Variants in NKAIN3 observed in about 807,000 individuals in gnomAD.
NKAIN3 encodes sodium/potassium transporting ATPase interacting 3.
A neutral mutation model predicts 30.2 loss-of-function variants in NKAIN3; 25 were observed. The observed-to-expected ratio is 0.83, with a 90% CI of 0.60 to 1.16. The LOEUF is 1.16. Ranked by LOEUF, NKAIN3 falls within the 50% of genes most tolerant of loss-of-function variation. The pLI, the probability that NKAIN3 is intolerant of heterozygous loss-of-function variation, is 0.00. For missense variants in NKAIN3, 225 were observed against 254.1 expected, an observed-to-expected ratio of 0.89 and a Z score of 0.78; for synonymous variants, 91 against 89.6, an observed-to-expected ratio of 1.02 and a Z score of -0.09.
At chr8:62,854,380 C>A (rs1820000071) in intron 4 of NKAIN3, among the ~76,000 whole-genome samples, 1 of 152,166 alleles carries the variant, frequency 6.6e-6, no homozygotes, top group South Asian at 2.1e-4. Flanking sequence ...CATCTGGGTG[C>A]CCCTGTATTG....
chr8:62,984,593 A>G lies in NKAIN3; in HGVS notation c.*19186A>G, dbSNP rs1266642943. Reference sequence around the variant, plus strand: ...TACAGATGTTTGACTTATGAGATGAATTAATTGAAAAAGTCAAAGCCTATC... The same window carrying G: ...TACAGATGTTTGACTTATGAGATGAGTTAATTGAAAAAGTCAAAGCCTATC... On this transcript the variant is annotated 3_prime_UTR_variant, in exon 7 of 7. Coordinates refer to ENST00000623646, the MANE Select transcript of NKAIN3 (RefSeq NM_001304533.3). 2.0e-5 allele frequency: 3 copies of G among 152,232 alleles called. No individual in the cohort carries two copies. Among genetic ancestry groups the G allele is most frequent in the African/African-American group, 7.2e-5 (3 of 41,460 alleles). The allele number at this position is 152,232 out of a possible 1,614,324, so 9.4% of individuals were successfully genotyped here. A position where few individuals can be genotyped will look rare whatever the true frequency, so the allele number is the denominator to read the frequency against.
chr8:62,810,568 A>G (rs962792975), intron 4 of NKAIN3, among the ~76,000 whole-genome samples: 1 of 151,872 alleles, frequency 6.6e-6, no homozygotes, highest in Non-Finnish European at 1.5e-5. Flanking sequence ...CATTTATTGG[A>G]GAAACCTCAA....
intron 1 of NKAIN3, among the ~76,000 whole-genome samples, chr8:62,454,756 C>T (rs1287096683): frequency 6.6e-6 from 1 of 152,156 alleles, no homozygotes; most frequent in Non-Finnish European, 1.5e-5. Context: ...TGTATATAAA[C>T]ACAGATACAC....
chr8:62,499,419 A>G (rs1363046653), intron 1 of NKAIN3, among the ~76,000 whole-genome samples: 1 of 152,062 alleles, frequency 6.6e-6, no homozygotes. Context: ...TTTGATGCCT[A>G]TCTAGGAGGG....
At chr8:62,648,460 G>A (rs1465357589) in intron 3 of NKAIN3, among the ~76,000 whole-genome samples, 3 of 152,154 alleles carry the variant, frequency 2.0e-5, no homozygotes, top group African/African-American at 7.2e-5. Context: ...AAAGCTACAC[G>A]CTAACCCCTT....
chr8:62,569,220 G>A (rs1442179808), intron 1 of NKAIN3, among the ~76,000 whole-genome samples: 4 of 152,144 alleles, frequency 2.6e-5, no homozygotes, highest in Admixed American at 6.5e-5. Flanking sequence ...CAGGTTATTA[G>A]GACTCTGTGG....
chr8:62,714,269 T>C (rs1814818302), intron 3 of NKAIN3, among the ~76,000 whole-genome samples: 1 of 151,982 alleles, frequency 6.6e-6, no homozygotes, highest in African/African-American at 2.4e-5. Flanking sequence ...TATGATATTT[T>C]TAAAAAGTAA....
chr8:62,274,602 G>A (rs1812874664), intron 1 of NKAIN3, among the ~76,000 whole-genome samples: 1 of 151,510 alleles, frequency 6.6e-6, no homozygotes, highest in Non-Finnish European at 1.5e-5. Flanking sequence ...TTTAAATTTA[G>A]TTATTATTAT....
chr8:62,863,898 A>C, intron 4 of NKAIN3: 1 of 1,346,378 alleles, frequency 7.4e-7, no homozygotes, highest in Non-Finnish European at 1.1e-6. Flanking sequence ...TCATCATCTG[A>C]TCCAGGATCT....
At chr8:62,579,410 CTAA>C (rs1209029006) in intron 1 of NKAIN3, 126 bp from the exon 2 acceptor site, 1 of 621,902 alleles carries the variant, frequency 1.6e-6, no homozygotes, top group Non-Finnish European at 2.6e-6. Context: ...AATGAAAATT[CTAA>C]TAATAACGGT....
At chr8:62,794,557 G>A (rs906650473) in intron 4 of NKAIN3, among the ~76,000 whole-genome samples, 1 of 152,106 alleles carries the variant, frequency 6.6e-6, no homozygotes, top group African/African-American at 2.4e-5. Flanking sequence ...TTGAGGTGAG[G>A]GGCTGGGAAG....
chr8:62,571,481 G>T (rs1809937331), intron 1 of NKAIN3, among the ~76,000 whole-genome samples: 3 of 152,120 alleles, frequency 2.0e-5, no homozygotes, highest in African/African-American at 7.2e-5. Flanking sequence ...CAAGCTGTCG[G>T]TGGATCTACC....
intron 1 of NKAIN3, among the ~76,000 whole-genome samples, chr8:62,265,665 C>A (rs956039813): frequency 1.3e-5 from 2 of 152,148 alleles, no homozygotes; most frequent in African/African-American, 4.8e-5. Flanking sequence ...TTTTAACACT[C>A]TGAAGTAGAA....
rs536175066 is a variant in NKAIN3, at chr8:62,979,601, A to G, written c.*14194A>G. On this transcript the variant is annotated 3_prime_UTR_variant, in exon 7 of 7. Coordinates refer to ENST00000623646, the MANE Select transcript of NKAIN3 (RefSeq NM_001304533.3). ...CGATGTGGCATTTTCTCTATACAGT[A>G]CAGTTTTAGCATTGAAAAGGACCTC... 3 of 152,216 alleles carry G rather than the reference A, an allele frequency of 2.0e-5. No individual in the cohort carries two copies. The highest frequency in any genetic ancestry group is 4.8e-5 in the African/African-American group (2 of 41,458). 9.4% of individuals were successfully genotyped at this position (152,216 alleles called of 1,614,324 possible).
At chr8:62,330,784 T>C (rs1361382779) in intron 1 of NKAIN3, among the ~76,000 whole-genome samples, 1 of 151,984 alleles carries the variant, frequency 6.6e-6, no homozygotes, top group African/African-American at 2.4e-5. Context: ...TCCCTCAATT[T>C]TTGTAATGGT....
chr8:62,293,194 A>T (rs545316145), intron 1 of NKAIN3, among the ~76,000 whole-genome samples: 6 of 151,916 alleles, frequency 3.9e-5, no homozygotes, highest in Non-Finnish European at 8.8e-5. Flanking sequence ...TTTTTCTCGG[A>T]GAAGTTTGTT....
chr8:62,622,302 C>T (rs960950321), intron 3 of NKAIN3, among the ~76,000 whole-genome samples: 12 of 152,016 alleles, frequency 7.9e-5, no homozygotes, highest in East Asian at 5.8e-4. Context: ...GATAAATGCC[C>T]GAGTGTGTAA....
chr8:62,972,157 T>C lies in NKAIN3; in HGVS notation c.*6750T>C, dbSNP rs1462514145. Reference sequence around the variant, plus strand: ...CAGTTTAACAAGTACATAATCAACATCAGTGCTTGGGAAGTCAGGAGTACG... The same window carrying C: ...CAGTTTAACAAGTACATAATCAACACCAGTGCTTGGGAAGTCAGGAGTACG... On this transcript the variant is annotated 3_prime_UTR_variant, in exon 7 of 7. Transcript: ENST00000623646. Among the ~76,000 whole-genome samples the C allele has an allele frequency of 1.3e-5, 2 of 152,158 alleles. No homozygotes were observed. Among genetic ancestry groups the C allele is most frequent in the Non-Finnish European group, 2.9e-5 (2 of 68,032 alleles).
chr8:62,481,475 T>A (rs1806717845), intron 1 of NKAIN3, among the ~76,000 whole-genome samples: 1 of 152,174 alleles, frequency 6.6e-6, no homozygotes, highest in Non-Finnish European at 1.5e-5. Flanking sequence ...TAACTATCTA[T>A]TTATTTGTGT....
Sources: gnomAD v4.1 joint callset for allele counts (sites outside exome capture counted in the v4.1 genomes callset) on GRCh38, gnomAD v4.1.1 for gene constraint, MANE v1.5 for transcripts, NCBI Gene and HGNC (gene_info 2026-07-23, HGNC 2026-07-21) for gene names.